GFOD1: variants seen among roughly 807,000 people sequenced by gnomAD.
GFOD1 encodes glucose-fructose oxidoreductase domain-containing protein 1.
GFOD1 carries 9 observed loss-of-function variants against 25.4 expected under a neutral mutation model. The ratio of observed to expected loss-of-function variants is 0.35; its 90% CI spans 0.21 to 0.62. GFOD1 has a LOEUF of 0.62. Among genes scored for constraint, GFOD1 ranks in the 20% least tolerant of loss-of-function variants. The pLI is 0.72. For missense variants in GFOD1, 403 were observed against 556.9 expected (o/e 0.72, Z 2.78); for synonymous variants, 253 against 245.6 (o/e 1.03, Z -0.28).
chr6:13,474,907 C>A (rs971079931), intron 1 of GFOD1, among the ~76,000 whole-genome samples: 1 of 152,150 alleles, frequency 6.6e-6, no homozygotes, highest in Non-Finnish European at 1.5e-5. Flanking sequence ...ACTCCATGAA[C>A]CATTTCAGTA....
chr6:13,379,406 C>G (rs1785315692), intron 1 of GFOD1, among the ~76,000 whole-genome samples: 1 of 152,166 alleles, frequency 6.6e-6, no homozygotes, highest in Non-Finnish European at 1.5e-5. Context: ...GGACACCACT[C>G]TGGCCTGGTA....
chr6:13,391,511 C>CAAAAAAAAAAAAAAAAAAAAAA (rs57340590), intron 1 of GFOD1, among the ~76,000 whole-genome samples: 35 of 108,582 alleles, frequency 3.2e-4, no homozygotes, highest in Non-Finnish European at 4.3e-4. Flanking sequence ...AACAAACAAA[C>CAAAAAAAAAAAAAAAAAAAAAA]AAAAAAAAAA....
At chr6:13,405,746 G>A (rs1462706477) in intron 1 of GFOD1, among the ~76,000 whole-genome samples, 2 of 152,186 alleles carry the variant, frequency 1.3e-5, no homozygotes, top group Non-Finnish European at 2.9e-5. Context: ...CAGGAGGAGG[G>A]GAGGACATTC....
intron 1 of GFOD1, among the ~76,000 whole-genome samples, chr6:13,370,738 T>C (rs930501694): frequency 2.0e-5 from 3 of 152,188 alleles, no homozygotes; most frequent in African/African-American, 4.8e-5. Flanking sequence ...TGTATGTATG[T>C]GTGTAGGTGG....
At chr6:13,450,396 T>C (rs571037253) in intron 1 of GFOD1, among the ~76,000 whole-genome samples, 9 of 152,266 alleles carry the variant, frequency 5.9e-5, no homozygotes, top group African/African-American at 2.2e-4. Context: ...GTCTCCAAGA[T>C]CACCCCCAGG....
intron 1 of GFOD1, among the ~76,000 whole-genome samples, chr6:13,374,273 T>TTTTTTGTG (rs1554199406): frequency 8.5e-4 from 114 of 134,406 alleles, no homozygotes; most frequent in African/African-American, 3.1e-3. Context: ...TGTTTTTTTT[T>TTTTTTGTG]TGTGTGTGTG....
intron 1 of GFOD1, among the ~76,000 whole-genome samples, chr6:13,384,282 C>T (rs1183228171): frequency 1.3e-5 from 2 of 152,112 alleles, no homozygotes; most frequent in South Asian, 2.1e-4. Flanking sequence ...TTTACTCTTT[C>T]GATTTATGAG....
chr6:13,486,526 T>C, intron 1 of GFOD1, 112 bp downstream of exon 1: 8 of 862,514 alleles, frequency 9.3e-6, no homozygotes, highest in Non-Finnish European at 1.3e-5. Context: ...CGGGGCAGCG[T>C]AGATGCAGGG....
At chr6:13,387,042 ACTTCTGTGTG>A (rs67790684) in intron 1 of GFOD1, among the ~76,000 whole-genome samples, 64,240 of 151,732 alleles carry the variant, frequency 0.42, 16,237 homozygotes, top group East Asian at 0.67. Flanking sequence ...TAATAGGTGT[ACTTCTGTGTG>A]CTTCTGTTTT....
At chr6:13,470,326 T>C in intron 1 of GFOD1, 1 of 1,572,582 alleles carries the variant, frequency 6.4e-7, no homozygotes, top group Non-Finnish European at 8.6e-7. Context: ...GGCAAGAATG[T>C]GCAGCTAAAT....
intron 1 of GFOD1, among the ~76,000 whole-genome samples, chr6:13,421,691 GA>G (rs374057569): frequency 1.4e-5 from 2 of 147,442 alleles, no homozygotes; most frequent in Non-Finnish European, 3.0e-5. Flanking sequence ...AGAGGCAAGT[GA>G]AAAAAAAAAC....
chr6:13,424,958 T>A (rs1470096745), intron 1 of GFOD1, among the ~76,000 whole-genome samples: 2 of 143,598 alleles, frequency 1.4e-5, no homozygotes, highest in Non-Finnish European at 3.1e-5. Context: ...ATTTAATTCT[T>A]TTTTTTTTTT....
rs529745885 is a variant in GFOD1, at chr6:13,447,087, TATTAGTGTCCTAGGACTGCTGTAAGAA to T, written c.253+39524_253+39550del. ...CACAGAAGATCGGTGTCAGAAGGCT[TATTAGTGTCCTAGGACTGCTGTAAGAA>T]AGGACCACAAAGCAAGTGGCTCAAT... is the stretch of plus-strand genomic sequence containing the variant. On this transcript the variant is annotated intron_variant, in intron 1 of 1. Transcript: ENST00000379287. 5.0e-3 allele frequency among the ~76,000 whole-genome samples: 758 copies of T among 152,348 alleles called. 4 individuals are homozygous for T. The highest frequency in any genetic ancestry group is 0.017 in the African/African-American group (709 of 41,576).
At chr6:13,379,094 G>A (rs1263585938) in intron 1 of GFOD1, among the ~76,000 whole-genome samples, 2 of 152,192 alleles carry the variant, frequency 1.3e-5, no homozygotes, top group African/African-American at 4.8e-5. Flanking sequence ...CAGCTCCAAT[G>A]GTAGACGCAG....
chr6:13,464,861 CGTGTGTGTGTGTGT>C (rs36218477), intron 1 of GFOD1, among the ~76,000 whole-genome samples: 5,495 of 146,708 alleles, frequency 0.037, 145 homozygotes, highest in East Asian at 0.11. Flanking sequence ...TTCCTCTTTC[CGTGTGTGTGTGTGT>C]GTGTGTGTGT....
intron 1 of GFOD1, among the ~76,000 whole-genome samples, chr6:13,388,726 C>T (rs1245452909): frequency 1.3e-5 from 2 of 152,154 alleles, no homozygotes; most frequent in Non-Finnish European, 2.9e-5. Flanking sequence ...GACTAAAACA[C>T]CAAAAGCAAC....
At chr6:13,459,230 A>G (rs1480090602) in intron 1 of GFOD1, among the ~76,000 whole-genome samples, 1 of 152,088 alleles carries the variant, frequency 6.6e-6, no homozygotes, top group Non-Finnish European at 1.5e-5. Context: ...AATCTTCGAC[A>G]AACCTGACAA....
At chr6:13,392,420 G>A (rs1013459299) in intron 1 of GFOD1, among the ~76,000 whole-genome samples, 5 of 149,222 alleles carry the variant, frequency 3.4e-5, no homozygotes, top group Non-Finnish European at 7.4e-5. Context: ...AATAGGTAAC[G>A]ACTCCTCCAC....
At position 13,380,133 on chromosome 6, in the gene GFOD1, G is replaced by C. The variant is rs909287094; in HGVS notation, c.254-14471C>G. ...AGCTGCAAGAATTCAAAACAAGTTGGTGGCAGGGAGGTAAGTGCGTGGCAG... is the reference window on the plus strand; with the variant it reads ...AGCTGCAAGAATTCAAAACAAGTTGCTGGCAGGGAGGTAAGTGCGTGGCAG... On this transcript the variant is annotated intron_variant, in intron 1 of 1. Transcript: ENST00000379287. 7.2e-5 allele frequency among the ~76,000 whole-genome samples: 11 copies of C among 152,342 alleles called. No homozygotes were observed. In the South Asian group the frequency reaches 1.0e-3, roughly 14 times the overall value.
Sources: gnomAD v4.1 joint callset for allele counts (sites outside exome capture counted in the v4.1 genomes callset) on GRCh38, gnomAD v4.1.1 for gene constraint, MANE v1.5 for transcripts, NCBI Gene and HGNC (gene_info 2026-07-23, HGNC 2026-07-21) for gene names.